The following ZSCAN25 variants were observed in gnomAD, a reference collection of about 807,000 sequenced individuals.
ZSCAN25 encodes zinc finger and SCAN domain-containing protein 25.
In ZSCAN25, 27 loss-of-function variants were observed where a neutral mutation model predicts 38.7. That is an observed-to-expected ratio of 0.70 (90% CI 0.51 to 0.96). The LOEUF is 0.96. Among genes scored for constraint, ZSCAN25 ranks in the 40% least tolerant of loss-of-function variants. The probability of loss-of-function intolerance (pLI) is 0.00; values close to 1 mark genes in which losing one functional copy is unlikely to be tolerated. For missense variants in ZSCAN25, 637 were observed against 705.9 expected (o/e 0.90, Z 1.11); for synonymous variants, 273 against 277.7 (o/e 0.98, Z 0.17).
the ZSCAN25 span, chr7:99,714,514 T>C: frequency 1.2e-6 from 2 of 1,608,062 alleles, no homozygotes; most frequent in Non-Finnish European, 1.7e-6. Context: ...TAAAAAATTA[T>C]GAAAACTAAA....
the ZSCAN25 span, among the ~76,000 whole-genome samples, chr7:99,712,735 C>G: frequency 6.6e-6 from 1 of 152,156 alleles, no homozygotes; most frequent in African/African-American, 2.4e-5. Context: ...TACTCCTGCT[C>G]TCTAGAACCA....
the ZSCAN25 span, chr7:99,700,063 C>T: frequency 6.7e-7 from 1 of 1,486,784 alleles, no homozygotes; most frequent in Admixed American, 1.7e-5. Flanking sequence ...ACTGTCTCCT[C>T]TGAGTCTTAC....
chr7:99,627,957 A>G (rs1377711242), intron 7 of ZSCAN25, among the ~76,000 whole-genome samples: 1 of 151,984 alleles, frequency 6.6e-6, no homozygotes, highest in Non-Finnish European at 1.5e-5. Context: ...GGGTTCGTTA[A>G]GAAAATTCTT....
chr7:99,677,733 A>G, the ZSCAN25 span, among the ~76,000 whole-genome samples: 19 of 152,202 alleles, frequency 1.2e-4, no homozygotes, highest in Non-Finnish European at 1.9e-4. Context: ...CCACCTGCCA[A>G]AGCCAGGGTG....
intron 7 of ZSCAN25, among the ~76,000 whole-genome samples, chr7:99,625,235 A>G (rs1235391926): frequency 2.6e-5 from 4 of 152,080 alleles, no homozygotes; most frequent in African/African-American, 4.8e-5. Context: ...GGGAGGTGAC[A>G]TATCTAAATG....
chr7:99,687,052 A>G, the ZSCAN25 span, among the ~76,000 whole-genome samples: 3 of 151,502 alleles, frequency 2.0e-5, no homozygotes, highest in Non-Finnish European at 2.9e-5. Context: ...CCAAAAGTAG[A>G]TAAAACCACA....
chr7:99,716,123 C>CA, the ZSCAN25 span, among the ~76,000 whole-genome samples: 1 of 152,140 alleles, frequency 6.6e-6, no homozygotes, highest in Non-Finnish European at 1.5e-5. Flanking sequence ...TGGAGACACT[C>CA]AACTGAGTTA....
At chr7:99,695,539 C>T in the ZSCAN25 span, among the ~76,000 whole-genome samples, 1 of 152,152 alleles carries the variant, frequency 6.6e-6, no homozygotes, top group African/African-American at 2.4e-5. Context: ...GAGATTTGGA[C>T]TGTTCAACTG....
chr7:99,638,179 G>A, the ZSCAN25 span: 11 of 1,369,506 alleles, frequency 8.0e-6, no homozygotes, highest in African/African-American at 8.8e-5. Context: ...AGATGGTGGC[G>A]ATAATCCTGT....
At chr7:99,643,647 C>T in the ZSCAN25 span, among the ~76,000 whole-genome samples, 2 of 151,950 alleles carry the variant, frequency 1.3e-5, no homozygotes, top group Non-Finnish European at 2.9e-5. Context: ...ACCCCGATGG[C>T]CCAAGGAGCA....
In ZSCAN25 at chr7:99,629,709, C is replaced by G; in HGVS notation, c.1324C>G (p.Arg442Gly). The change falls in exon 8 of 8, where the codon CGC becomes GGC. Residue 442 changes from arginine to glycine, a missense_variant. Arg to Gly is a moderately radical substitution (Grantham distance 125). Transcript: ENST00000394152. The surrounding 1 kb of genome is among the most constrained non-coding windows in gnomAD (Gnocchi z 5.6). The stretch of plus-strand genomic sequence containing the variant: ...CGGGGACTGCTGGAAGAGCTTCAGC[C>G]GCAGGCAGCACCTGCAGGTGCACCG... ...KCGDCWKSFSRRQHLQVHRRT... is the reference protein window; with the variant it reads ...KCGDCWKSFSGRQHLQVHRRT... The G allele has an allele frequency of 6.2e-7, 1 of 1,614,082 alleles. No homozygotes were observed. The highest frequency in any genetic ancestry group is 8.5e-7 in the Non-Finnish European group (1 of 1,180,018).
At chr7:99,665,252 G>A in the ZSCAN25 span, 2 of 1,614,074 alleles carry the variant, frequency 1.2e-6, no homozygotes, top group Non-Finnish European at 1.7e-6. Flanking sequence ...ATTGTTGAGA[G>A]AGTCGATGTT....
At chr7:99,684,969 T>C in the ZSCAN25 span, 4 of 536,122 alleles carry the variant, frequency 7.5e-6, no homozygotes, top group Non-Finnish European at 1.3e-5. Context: ...TATAACACTC[T>C]ACACAGACAG....
At chr7:99,726,148 C>G in the ZSCAN25 span, among the ~76,000 whole-genome samples, 1 of 152,142 alleles carries the variant, frequency 6.6e-6, no homozygotes, top group African/African-American at 2.4e-5. Flanking sequence ...TGTATCCCCC[C>G]ACCTTAACCC....
the ZSCAN25 span, among the ~76,000 whole-genome samples, chr7:99,694,789 T>G: frequency 6.6e-6 from 1 of 152,200 alleles, no homozygotes; most frequent in Non-Finnish European, 1.5e-5. Context: ...GCTGGCCCTG[T>G]GGAGATAAGC....
the ZSCAN25 span, chr7:99,714,689 A>G: frequency 1.2e-5 from 18 of 1,548,812 alleles, no homozygotes; most frequent in African/African-American, 2.8e-5. Flanking sequence ...ACTTCTGTAG[A>G]AAAAAAAAAC....
At chr7:99,685,230 C>T in the ZSCAN25 span, 9,081 of 1,613,248 alleles carry the variant, frequency 5.6e-3, 401 homozygotes, top group African/African-American at 0.1. Context: ...GTAATTTCAG[C>T]GGGATCTGCA....
the ZSCAN25 span, chr7:99,659,314 G>A: frequency 6.5e-6 from 1 of 152,942 alleles, no homozygotes; most frequent in Non-Finnish European, 1.5e-5. Flanking sequence ...CTCAGCTGCA[G>A]GTCTGTTGGA....
chr7:99,671,117 T>TTGTGTGTGTGTGTG, the ZSCAN25 span: 23 of 141,926 alleles, frequency 1.6e-4, no homozygotes, highest in Non-Finnish European at 3.1e-4. Flanking sequence ...CACAGACCAT[T>TTGTGTGTGTGTGTG]TGTGTGTGTG....
Sources: gnomAD v4.1 joint callset for allele counts (sites outside exome capture counted in the v4.1 genomes callset) on GRCh38, gnomAD v4.1.1 for gene constraint, Gnocchi (gnomAD v3.1) non-coding constraint, MANE v1.5 for transcripts, NCBI Gene and HGNC (gene_info 2026-07-23, HGNC 2026-07-21) for gene names.